CNKSR2: variants seen among roughly 807,000 people sequenced by gnomAD.
CNKSR2 encodes CNK homolog protein 2.
CNKSR2 carries 14 observed loss-of-function variants against 84.4 expected under a neutral mutation model. The observed-to-expected ratio is 0.17, with a 90% CI of 0.11 to 0.26. The LOEUF (loss-of-function observed/expected upper bound fraction) is 0.26. Ranked by LOEUF, CNKSR2 falls within the 10% of genes least tolerant of loss-of-function variation. The pLI, the probability that CNKSR2 is intolerant of heterozygous loss-of-function variation, is 1.00. For missense variants in CNKSR2, 485 were observed against 771.2 expected (o/e 0.63, Z 4.40); for synonymous variants, 275 against 277.9 (o/e 0.99, Z 0.10).
rs183562567 is a variant in CNKSR2 at position 21,503,163 on chromosome X, T to C, written c.810+1575T>C. 3.0e-3 allele frequency: 863 copies of C among 285,577 alleles called. 2 individuals are homozygous for C. The highest frequency in any genetic ancestry group is 3.4e-3 in the Non-Finnish European group (555 of 163,080). 23.5% of individuals were successfully genotyped at this position (285,577 alleles called of 1,213,427 possible). A position where few individuals can be genotyped will look rare whatever the true frequency, so the allele number is the denominator to read the frequency against. ...ATGAATATGAAAGCCTTTGAAAGTCTACAAATAAACTAATAAAATCTATGT... is the reference window on the plus strand; with the variant it reads ...ATGAATATGAAAGCCTTTGAAAGTCCACAAATAAACTAATAAAATCTATGT... On this transcript the variant is annotated intron_variant, in intron 8 of 21. Transcript: ENST00000379510.
Position 21,609,161 on chromosome X carries a change from C to T in CNKSR2, c.2236C>T (p.Arg746Cys), listed in dbSNP as rs1569272190. 2.5e-6 allele frequency: 3 copies of T among 1,211,399 alleles called. No individual in the cohort carries two copies. The highest frequency in any genetic ancestry group is 1.8e-5 in the South Asian group (1 of 56,965). Residue 746 changes from arginine (R) to cysteine (C), a missense_variant, in exon 20 of 22, where the codon CGC (arginine) becomes TGC (cysteine). Arg to Cys is a radical substitution (Grantham distance 180). This residue lies in a region of CNKSR2 where 210 missense variants were observed against 291.5 expected (regional missense o/e 0.72). Coordinates refer to ENST00000379510, the MANE Select transcript of CNKSR2 (RefSeq NM_014927.5). ...GTCTCAGTCTTCTCATGAGGAGTTT[C>T]GCCAGGAAGTAACTGGGAGCAGTGC... ...SQSQSSHEEF[R>C]QEVTGSSAVS...
intron 1 of CNKSR2, among the ~76,000 whole-genome samples, chrX:21,393,093 C>T (rs779505560): frequency 8.9e-6 from 1 of 112,279 alleles, no homozygotes; most frequent in Admixed American, 9.4e-5. Flanking sequence ...ATAATTGTCA[C>T]AATTTCAACT....
chrX:21,598,584 A>G (rs1365447242), intron 17 of CNKSR2, among the ~76,000 whole-genome samples: 1 of 112,282 alleles, frequency 8.9e-6, no homozygotes, highest in African/African-American at 3.2e-5. Context: ...TCATAAATAT[A>G]TTGAATAGAT....
chrX:21,587,810 G>A (rs1490143319), intron 13 of CNKSR2, among the ~76,000 whole-genome samples: 2 of 111,508 alleles, frequency 1.8e-5, no homozygotes, highest in African/African-American at 3.3e-5. Context: ...TGAATGTGAG[G>A]CTCTTTTGGA....
chrX:21,456,547 T>C (rs986804867), intron 4 of CNKSR2, among the ~76,000 whole-genome samples: 1 of 111,853 alleles, frequency 8.9e-6, no homozygotes, highest in African/African-American at 3.2e-5. Context: ...AGAATATCCT[T>C]CTTTTTAAAG....
At chrX:21,571,334 G>C (rs2092282611) in intron 13 of CNKSR2, among the ~76,000 whole-genome samples, 1 of 111,925 alleles carries the variant, frequency 8.9e-6, no homozygotes, top group African/African-American at 3.2e-5. Context: ...GGTACCAATA[G>C]ACTCATTCAG....
intron 13 of CNKSR2, among the ~76,000 whole-genome samples, chrX:21,576,798 G>T (rs1601971666): frequency 9.0e-6 from 1 of 111,062 alleles, no homozygotes; most frequent in South Asian, 3.8e-4. Context: ...CACCCAAAAT[G>T]AAATATATCT....
chrX:21,422,449 C>T (rs957222297), intron 1 of CNKSR2, among the ~76,000 whole-genome samples: 4 of 111,870 alleles, frequency 3.6e-5, no homozygotes. Flanking sequence ...ACTGTGGGGG[C>T]CTGTTTTCAC....
At chrX:21,572,248 C>T (rs2092288861) in intron 13 of CNKSR2, among the ~76,000 whole-genome samples, 2 of 111,983 alleles carry the variant, frequency 1.8e-5, no homozygotes, top group African/African-American at 6.5e-5. Context: ...TGACTGAGGT[C>T]TGACCCAGAA....
chrX:21,474,001 G>A (rs935673636), intron 5 of CNKSR2, among the ~76,000 whole-genome samples: 7 of 108,795 alleles, frequency 6.4e-5, no homozygotes, highest in African/African-American at 1.7e-4. Flanking sequence ...CACCCACCTC[G>A]GCCTCCCAAA....
intron 19 of CNKSR2, among the ~76,000 whole-genome samples, chrX:21,608,827 G>T (rs981976841): frequency 1.8e-5 from 2 of 111,896 alleles, no homozygotes; most frequent in Admixed American, 1.9e-4. Flanking sequence ...GTAAAATTTT[G>T]CATTAATATG....
At chrX:21,493,526 A>C (rs2091463460) in intron 6 of CNKSR2, 1 of 112,046 alleles carries the variant, frequency 8.9e-6, no homozygotes, top group Non-Finnish European at 1.9e-5. Context: ...GGAGCTGTGC[A>C]AGTCAGCTCT....
intron 7 of CNKSR2, among the ~76,000 whole-genome samples, chrX:21,498,463 A>C (rs1284428066): frequency 7.6e-5 from 7 of 92,450 alleles, no homozygotes; most frequent in Non-Finnish European, 3.9e-5. Context: ...GCAGTGGGCC[A>C]GAAGTCCACA....
intron 20 of CNKSR2, among the ~76,000 whole-genome samples, chrX:21,617,138 A>C (rs757833593): frequency 4.5e-4 from 50 of 111,680 alleles, no homozygotes; most frequent in African/African-American, 1.4e-3. Flanking sequence ...AGAGATTATT[A>C]GATTCAGCCA....
chrX:21,460,827 T>A (rs2091051809), intron 4 of CNKSR2, among the ~76,000 whole-genome samples: 1 of 111,885 alleles, frequency 8.9e-6, no homozygotes, highest in Non-Finnish European at 1.9e-5. Context: ...CCTGTTTCAC[T>A]TAACATAATG....
intron 4 of CNKSR2, among the ~76,000 whole-genome samples, chrX:21,457,854 T>A (rs561170715): frequency 3.0e-4 from 34 of 112,154 alleles, no homozygotes; most frequent in Middle Eastern, 4.6e-3. Context: ...TACAAAACAT[T>A]TCCATATCAC....
chrX:21,388,569 C>G (rs750031643), intron 1 of CNKSR2, among the ~76,000 whole-genome samples: 1 of 112,016 alleles, frequency 8.9e-6, no homozygotes, highest in Non-Finnish European at 1.9e-5. Flanking sequence ...AAAGAGCTTC[C>G]AATAGCTAAA....
At chrX:21,573,755 C>T (rs1245105855) in intron 13 of CNKSR2, among the ~76,000 whole-genome samples, 2 of 111,397 alleles carry the variant, frequency 1.8e-5, no homozygotes, top group South Asian at 7.5e-4. Flanking sequence ...TCCTCCTAAG[C>T]CTCCCAGCTT....
At chrX:21,447,221 A>C (rs1336609448) in intron 4 of CNKSR2, among the ~76,000 whole-genome samples, 2 of 111,529 alleles carry the variant, frequency 1.8e-5, no homozygotes, top group Non-Finnish European at 3.8e-5. Flanking sequence ...CATTATGTGC[A>C]TACCCCAATA....
Sources: gnomAD v4.1 joint callset for allele counts (sites outside exome capture counted in the v4.1 genomes callset) on GRCh38, gnomAD v4.1.1 for gene constraint, gnomAD v4.1.1 regional missense constraint, MANE v1.5 for transcripts, NCBI Gene and HGNC (gene_info 2026-07-23, HGNC 2026-07-21) for gene names.